TTLL2: variants seen among roughly 807,000 people sequenced by gnomAD.
TTLL2 encodes the protein probable tubulin polyglutamylase TTLL2.
In TTLL2, 10 loss-of-function variants were observed where a neutral mutation model predicts 7.5. That is an observed-to-expected ratio of 1.33 (90% CI 0.82 to 2.25). TTLL2 has a LOEUF of 2.25. Among genes scored for constraint, TTLL2 ranks in the 30% most tolerant of loss-of-function variants. The pLI is 0.00. For missense variants in TTLL2, 733 were observed against 735.7 expected, an observed-to-expected ratio of 1.00 and a Z score of 0.04; for synonymous variants, 284 against 280.3, an observed-to-expected ratio of 1.01 and a Z score of -0.13.
At chr6:167,329,091 G>A (rs1308065558) in intron 1 of TTLL2, among the ~76,000 whole-genome samples, 1 of 152,030 alleles carries the variant, frequency 6.6e-6, no homozygotes, top group African/African-American at 2.4e-5. Flanking sequence ...AGTTCAAAGG[G>A]CCCATCCCTC....
chr6:167,325,160 G>A lies in TTLL2; in HGVS notation c.-14G>A, dbSNP rs769910591. On this transcript the variant is annotated 5_prime_UTR_variant, in exon 1 of 3. Coordinates refer to ENST00000239587, the MANE Select transcript of TTLL2 (RefSeq NM_031949.5). ...ACAGAGACCCACAGAGGCCACCCTC[G>A]GAACCAGCGCCCAATGAGAGGGCGG... 42 of 1,573,018 alleles carry A rather than the reference G, an allele frequency of 2.7e-5. No homozygotes were observed. Among genetic ancestry groups the A allele is most frequent in the East Asian group, 1.9e-4 (8 of 42,108 alleles).
intron 1 of TTLL2, among the ~76,000 whole-genome samples, chr6:167,332,238 C>T (rs148982147): frequency 2.8e-4 from 42 of 152,218 alleles, no homozygotes; most frequent in East Asian, 7.7e-4. Flanking sequence ...TGTTACAGCA[C>T]GGGGTTTGCC....
At chr6:167,337,968 G>A (rs79902454) in intron 1 of TTLL2, among the ~76,000 whole-genome samples, 3,239 of 143,674 alleles carry the variant, frequency 0.023, 130 homozygotes, top group African/African-American at 0.08. Context: ...TACATACCAC[G>A]TATAACACAC....
chr6:167,325,120 C>A lies in TTLL2; in HGVS notation c.-54C>A. On this transcript the variant is annotated 5_prime_UTR_variant, in exon 1 of 3. Transcript: ENST00000239587. The stretch of plus-strand genomic sequence containing the variant: ...TCCAGCCTCCGCGCATTTCAGCTGG[C>A]GCTGCAGCTGCTGCACAGAGACCCA... 1 of 1,543,734 alleles carries A rather than the reference C, an allele frequency of 6.5e-7. No homozygotes were observed. Among genetic ancestry groups the A allele is most frequent in the Admixed American group, 1.9e-5 (1 of 51,862 alleles).
At chr6:167,328,189 A>C (rs1466459613) in intron 1 of TTLL2, 2 of 453,374 alleles carry the variant, frequency 4.4e-6, no homozygotes, top group Non-Finnish European at 8.9e-6. Flanking sequence ...AGAAAGCACC[A>C]AAACTAGGAG....
In TTLL2 at chr6:167,342,598, T is replaced by C. The variant is rs981789933; in HGVS notation, c.*919T>C. Among the ~76,000 whole-genome samples, 3 of 152,080 alleles carry C rather than the reference T, an allele frequency of 2.0e-5. No homozygotes were observed. The highest frequency in any genetic ancestry group is 2.0e-4 in the Admixed American group (3 of 15,274). On this transcript the variant is annotated 3_prime_UTR_variant, in exon 3 of 3. Transcript: ENST00000239587. ...ATGTTCTGGAACTATATAGAGGTGA[T>C]GGTTGCACAACACGGGGAATTCACT...
chr6:167,340,001 C>A, intron 2 of TTLL2, 104 bp from the exon 3 acceptor site: 1 of 1,292,380 alleles, frequency 7.7e-7, no homozygotes, highest in African/African-American at 1.5e-5. Context: ...GGAGGGTGGA[C>A]ACACAGGACA....
Position 167,325,159 on chromosome 6 carries a change from C to A in TTLL2, c.-15C>A. On this transcript the variant is annotated 5_prime_UTR_variant, in exon 1 of 3. Transcript: ENST00000239587. ...CACAGAGACCCACAGAGGCCACCCT[C>A]GGAACCAGCGCCCAATGAGAGGGCG... is the stretch of plus-strand genomic sequence containing the variant. 6.4e-7 allele frequency: 1 copy of A among 1,572,158 alleles called. No homozygotes were observed. Among genetic ancestry groups the A allele is most frequent in the Non-Finnish European group, 8.6e-7 (1 of 1,159,856 alleles).
chr6:167,325,677 A>G (rs1227569422), intron 1 of TTLL2, among the ~76,000 whole-genome samples: 1 of 152,136 alleles, frequency 6.6e-6, no homozygotes, highest in African/African-American at 2.4e-5. Flanking sequence ...TATGAAACAC[A>G]CATGGTTGTA....
chr6:167,336,670 A>T (rs1778987008), intron 1 of TTLL2, among the ~76,000 whole-genome samples: 1 of 151,952 alleles, frequency 6.6e-6, no homozygotes, highest in Non-Finnish European at 1.5e-5. Context: ...TCGTTGGCTC[A>T]GCTGTCCTGT....
chr6:167,338,871 C>CTTT, intron 2 of TTLL2, 68 bp downstream of exon 2: 2 of 1,446,240 alleles, frequency 1.4e-6, no homozygotes, highest in Non-Finnish European at 1.8e-6. Context: ...TTCCTTCTTT[C>CTTT]CTCCTTCTTT....
rs200555638 is a variant in TTLL2, at chr6:167,341,013, G to C, written c.1113G>C (p.Gly371=). 119 of 1,613,914 alleles carry C rather than the reference G, an allele frequency of 7.4e-5. No homozygotes were observed. The highest frequency in any genetic ancestry group is 5.0e-5 in the Admixed American group (3 of 59,986). Reference sequence around the variant, plus strand: ...CTGCCAATTGCTTTGAGCTCTTTGGGTTTGATATTTTGATTGATGACAACT... The same window carrying C: ...CTGCCAATTGCTTTGAGCTCTTTGGCTTTGATATTTTGATTGATGACAACT... ...PFAANCFELF[G]FDILIDDNLK... Residue 371 remains glycine, a synonymous_variant, in exon 3 of 3, where the codon GGG becomes GGC. Transcript: ENST00000239587.
intron 1 of TTLL2, chr6:167,328,311 C>T (rs957958238): frequency 1.2e-5 from 4 of 328,634 alleles, no homozygotes; most frequent in East Asian, 7.4e-5. Flanking sequence ...TCGGGATTCC[C>T]GCAGTGATGG....
rs372971506 is a variant in TTLL2, at chr6:167,335,938, A to T, written c.48-2709A>T. ...TATACATATGTAACTAACCTGCACA[A>T]TGTGCACATGTACCCTAAAACTTAA... On this transcript the variant is annotated intron_variant, in intron 1 of 2. Transcript: ENST00000239587. Among the ~76,000 whole-genome samples, 45 of 150,868 alleles carry T rather than the reference A, an allele frequency of 3.0e-4. 1 individual carries two copies. The East Asian group carries it at 7.7e-3, about 26-fold the overall frequency.
At chr6:167,327,988 T>G (rs1364368422) in intron 1 of TTLL2, 9 of 456,120 alleles carry the variant, frequency 2.0e-5, no homozygotes, top group South Asian at 6.2e-5. Flanking sequence ...CCCAAAATAT[T>G]TTCTCCTCAT....
In TTLL2 at chr6:167,340,386, C is replaced by T. The variant is rs371348357; in HGVS notation, c.486C>T (p.His162=). 3 of 1,614,060 alleles carry T rather than the reference C, an allele frequency of 1.9e-6. No individual in the cohort carries two copies. Among genetic ancestry groups the T allele is most frequent in the East Asian group, 4.5e-5 (2 of 44,898 alleles). The change falls in exon 3 of 3, where the codon CAC becomes CAT. Residue 162 remains histidine, a synonymous_variant. Transcript: ENST00000239587. ...CCAGGAAAGACTGTTTGGCCAAACACCTGAAGCACATGAGGAGGATGTATG... is the reference window on the plus strand; with the variant it reads ...CCAGGAAAGACTGTTTGGCCAAACATCTGAAGCACATGAGGAGGATGTATG... ...KLTRKDCLAK[H]LKHMRRMYGT...
intron 1 of TTLL2, among the ~76,000 whole-genome samples, chr6:167,335,350 G>A (rs1264248866): frequency 6.6e-6 from 1 of 151,232 alleles, no homozygotes; most frequent in South Asian, 2.1e-4. Flanking sequence ...CGGAGAAATA[G>A]GAACACTTTT....
chr6:167,325,134 C>T lies in TTLL2; in HGVS notation c.-40C>T, dbSNP rs1234935602. 1.9e-6 allele frequency: 3 copies of T among 1,559,592 alleles called. No individual in the cohort carries two copies. In the South Asian group the frequency reaches 3.5e-5, roughly 18 times the overall value. On this transcript the variant is annotated 5_prime_UTR_variant, in exon 1 of 3. Transcript: ENST00000239587. ...ATTTCAGCTGGCGCTGCAGCTGCTG[C>T]ACAGAGACCCACAGAGGCCACCCTC...
At chr6:167,338,555 T>C (rs1779023617) in intron 1 of TTLL2, 92 bp from the exon 2 acceptor site, 2 of 1,461,754 alleles carry the variant, frequency 1.4e-6, no homozygotes, top group East Asian at 4.8e-5. Context: ...TTAATAACCA[T>C]GATGGATTGA....
Sources: gnomAD v4.1 joint callset for allele counts (sites outside exome capture counted in the v4.1 genomes callset) on GRCh38, gnomAD v4.1.1 for gene constraint, MANE v1.5 for transcripts, NCBI Gene and HGNC (gene_info 2026-07-23, HGNC 2026-07-21) for gene names.